VMP1: variants seen among roughly 807,000 people sequenced by gnomAD.
VMP1 encodes the protein ectopic P-granules autophagy protein 3 homolog.
VMP1 carries 11 observed loss-of-function variants against 56.0 expected under a neutral mutation model. The observed-to-expected ratio is 0.20, with a 90% confidence interval of 0.12 to 0.32. VMP1 has a LOEUF of 0.32. Among genes scored for constraint, VMP1 ranks in the 10% least tolerant of loss-of-function variants. VMP1 has a pLI of 1.00. For missense variants in VMP1, 296 were observed against 490.3 expected (o/e 0.60, Z 3.74); for synonymous variants, 149 against 165.0 (o/e 0.90, Z 0.74).
intron 5 of VMP1, among the ~76,000 whole-genome samples, chr17:59,750,869 T>C (rs2035613461): frequency 6.6e-6 from 1 of 151,892 alleles, no homozygotes; most frequent in Non-Finnish European, 1.5e-5. Context: ...TTTGAGTTTG[T>C]ATGTAGATTA....
chr17:59,840,092 A>G lies in VMP1; in HGVS notation c.*181A>G. The G allele has an allele frequency of 1.4e-6, 1 of 691,036 alleles. No individual in the cohort carries two copies. Among genetic ancestry groups the G allele is most frequent in the Non-Finnish European group, 2.3e-6 (1 of 436,452 alleles). 42.8% of individuals were successfully genotyped at this position (691,036 alleles called of 1,614,324 possible). On this transcript the variant is annotated 3_prime_UTR_variant, in exon 12 of 12. Transcript: ENST00000262291. ...TACTTTTTCCTTCTGTGCTAAGGTA[A>G]GGTATCCACCCTCGATGCAATCCAC...
chr17:59,837,346 A>G (rs1222112645), intron 10 of VMP1, among the ~76,000 whole-genome samples: 1 of 152,174 alleles, frequency 6.6e-6, no homozygotes, highest in Non-Finnish European at 1.5e-5. Context: ...AGCCCTATGT[A>G]ACAGGTAAGA....
rs1466202924 is a variant in VMP1 at position 59,841,647 on chromosome 17, C to G, written c.*1736C>G. ...ACTTGACCTTCTTTGAAAAGCATTC[C>G]CAAAATGCTCTATTTTAGATAGATT... On this transcript the variant is annotated 3_prime_UTR_variant, in exon 12 of 12. Coordinates refer to ENST00000262291, the MANE Select transcript of VMP1 (RefSeq NM_030938.5). The G allele has an allele frequency of 6.3e-6, 1 of 159,662 alleles. No homozygotes were observed. Among genetic ancestry groups the G allele is most frequent in the Non-Finnish European group, 1.4e-5 (1 of 71,880 alleles). 9.9% of individuals were successfully genotyped at this position (159,662 alleles called of 1,614,324 possible). A position where few individuals can be genotyped will look rare whatever the true frequency, so the allele number is the denominator to read the frequency against.
chr17:59,720,699 C>T (rs937472190), intron 1 of VMP1, among the ~76,000 whole-genome samples: 1 of 152,120 alleles, frequency 6.6e-6, no homozygotes, highest in Non-Finnish European at 1.5e-5. Flanking sequence ...CTTGGCTGGG[C>T]GTGGTGGCTC....
Position 59,778,053 on chromosome 17 carries a change from C to T in VMP1, c.714+4168C>T, listed in dbSNP as rs551450134. Among the ~76,000 whole-genome samples the T allele has an allele frequency of 8.5e-5, 13 of 152,260 alleles. No homozygotes were observed. In the South Asian group the frequency reaches 1.2e-3, roughly 15 times the overall value. On this transcript the variant is annotated intron_variant, in intron 7 of 11. Transcript: ENST00000262291. Reference sequence around the variant, plus strand: ...ACCTTTTTGCTTCTAATATTTATCTCATTTTACTATCTATGAGATTTCCCA... The same window carrying T: ...ACCTTTTTGCTTCTAATATTTATCTTATTTTACTATCTATGAGATTTCCCA...
intron 7 of VMP1, among the ~76,000 whole-genome samples, chr17:59,792,855 A>ACCTTGTTAGTC (rs1568157658): frequency 1.8e-5 from 1 of 54,520 alleles, no homozygotes; most frequent in Non-Finnish European, 3.3e-5. Context: ...CATCTCAAAA[A>ACCTTGTTAGTC]ATAATAATAA....
intron 7 of VMP1, among the ~76,000 whole-genome samples, chr17:59,793,618 G>A (rs979374368): frequency 8.7e-6 from 1 of 115,328 alleles, no homozygotes; most frequent in African/African-American, 2.6e-5. Flanking sequence ...GCGCATGTGT[G>A]TGTGTGTTTA....
chr17:59,752,139 C>T (rs764410167), intron 5 of VMP1, among the ~76,000 whole-genome samples: 17 of 152,172 alleles, frequency 1.1e-4, no homozygotes, highest in Non-Finnish European at 2.2e-4. Flanking sequence ...GGATCAGATC[C>T]GTAGCTATTT....
intron 5 of VMP1, among the ~76,000 whole-genome samples, chr17:59,747,295 T>C (rs1403438525): frequency 6.6e-6 from 1 of 152,168 alleles, no homozygotes; most frequent in Non-Finnish European, 1.5e-5. Flanking sequence ...GGCCAGCTTA[T>C]GCCTGTAATC....
chr17:59,743,034 G>A (rs769726167), intron 5 of VMP1, among the ~76,000 whole-genome samples: 3 of 152,032 alleles, frequency 2.0e-5, no homozygotes, highest in Admixed American at 1.3e-4. Context: ...CCACCACACA[G>A]TTTCCTCTAC....
intron 9 of VMP1, among the ~76,000 whole-genome samples, chr17:59,814,246 G>T (rs2038151860): frequency 6.6e-6 from 1 of 152,132 alleles, no homozygotes. Flanking sequence ...CAAAGTGCTG[G>T]GATTACAGGC....
chr17:59,748,708 A>G (rs1423114020), intron 5 of VMP1, among the ~76,000 whole-genome samples: 1 of 152,118 alleles, frequency 6.6e-6, no homozygotes, highest in Non-Finnish European at 1.5e-5. Context: ...ATAATTTTCA[A>G]TTTATATGCT....
chr17:59,714,834 C>A, intron 1 of VMP1, among the ~76,000 whole-genome samples: 1 of 152,014 alleles, frequency 6.6e-6, no homozygotes, highest in Non-Finnish European at 1.5e-5. Flanking sequence ...TGCATGCCAC[C>A]ACACAGGAGT....
At chr17:59,785,821 G>T (rs2036989595) in intron 7 of VMP1, among the ~76,000 whole-genome samples, 1 of 151,754 alleles carries the variant, frequency 6.6e-6, no homozygotes, top group Non-Finnish European at 1.5e-5. Flanking sequence ...TTCCTCAAAG[G>T]CTATTTTATA....
chr17:59,720,677 T>C (rs1349428033), intron 1 of VMP1, among the ~76,000 whole-genome samples: 1 of 152,190 alleles, frequency 6.6e-6, no homozygotes. Flanking sequence ...AGTGCACTTA[T>C]ATATTATTTA....
intron 7 of VMP1, among the ~76,000 whole-genome samples, chr17:59,789,286 A>G (rs1401581725): frequency 1.3e-4 from 19 of 148,956 alleles, no homozygotes; most frequent in Admixed American, 1.3e-3. Context: ...GGCTGGGCGC[A>G]GTGGTTTACG....
At chr17:59,736,663 G>C (rs1318193792) in intron 3 of VMP1, among the ~76,000 whole-genome samples, 1 of 150,896 alleles carries the variant, frequency 6.6e-6, no homozygotes, top group Non-Finnish European at 1.5e-5. Flanking sequence ...AGAATAGCTT[G>C]AACCCAGGAG....
intron 7 of VMP1, among the ~76,000 whole-genome samples, chr17:59,796,883 C>T (rs548045614): frequency 1.4e-4 from 21 of 152,240 alleles, no homozygotes; most frequent in South Asian, 4.1e-4. Flanking sequence ...CTGGCACTGT[C>T]TACTACAGTT....
chr17:59,810,257 G>T (rs766096444), intron 8 of VMP1, among the ~76,000 whole-genome samples: 1 of 151,970 alleles, frequency 6.6e-6, no homozygotes, highest in Non-Finnish European at 1.5e-5. Context: ...AGGTTCAAGC[G>T]ATTCTCCTGC....
Sources: allele counts gnomAD v4.1 joint callset (sites outside exome capture counted in the v4.1 genomes callset), GRCh38; gene constraint gnomAD v4.1.1; transcripts MANE v1.5; gene names NCBI Gene and HGNC (gene_info 2026-07-23, HGNC 2026-07-21).